The following RASGRF1 variants were observed in gnomAD, a reference collection of about 807,000 sequenced individuals.
The protein encoded by RASGRF1 is Ras protein specific guanine nucleotide releasing factor 1, also known as ras-specific guanine nucleotide-releasing factor 1.
Under a neutral mutation model 138.7 loss-of-function variants are expected in RASGRF1, and 40 were observed. The ratio of observed to expected loss-of-function variants is 0.29; its 90% CI spans 0.22 to 0.38. The LOEUF is 0.38. Ranked by LOEUF, RASGRF1 falls within the 10% of genes least tolerant of loss-of-function variation. The probability of loss-of-function intolerance (pLI) is 1.00; values close to 1 mark genes in which losing one functional copy is unlikely to be tolerated. For synonymous variants in RASGRF1, 614 were observed against 663.2 expected (o/e 0.93, Z 1.14); for missense variants, 1,108 against 1,650.4 (o/e 0.67, Z 5.69).
At chr15:79,051,126 C>T (rs2057425174) in intron 3 of RASGRF1, among the ~76,000 whole-genome samples, 1 of 152,210 alleles carries the variant, frequency 6.6e-6, no homozygotes, top group Non-Finnish European at 1.5e-5. Context: ...CGAACAAAGC[C>T]GCAAAGCCCA....
intron 26 of RASGRF1, among the ~76,000 whole-genome samples, chr15:78,964,500 C>G (rs1479953377): frequency 2.0e-5 from 3 of 152,038 alleles, no homozygotes; most frequent in Admixed American, 1.3e-4. Context: ...TATTGCACAT[C>G]AAAGTTTAAG....
Position 79,020,062 on chromosome 15 carries a change from G to A in RASGRF1, c.1585C>T (p.Pro529Ser). 2 of 1,614,094 alleles carry A rather than the reference G, an allele frequency of 1.2e-6. No individual in the cohort carries two copies. The highest frequency in any genetic ancestry group is 1.7e-6 in the Non-Finnish European group (2 of 1,180,038). The change falls in exon 11 of 27, where the codon CCA (proline) becomes TCA (serine). Residue 529 changes from proline (P) to serine (S), a missense_variant. Coordinates refer to ENST00000558480, the MANE Select transcript of RASGRF1 (RefSeq NM_001145648.3). Reference sequence around the variant, plus strand: ...TCACCTTCCTCCTCCGTGCTTTCTGGCTCCTCCAATAAAGTGCAGTCAATG... The same window carrying A: ...TCACCTTCCTCCTCCGTGCTTTCTGACTCCTCCAATAAAGTGCAGTCAATG... ...SLIDCTLLEE[P>S]ESTEEEAKGS...
chr15:79,084,934 AG>A (rs895504047), intron 1 of RASGRF1, among the ~76,000 whole-genome samples: 4 of 152,030 alleles, frequency 2.6e-5, no homozygotes, highest in African/African-American at 9.7e-5. Context: ...CTCTTGGTGA[AG>A]TTTTTTTTAA....
chr15:78,968,250 A>ATGTGTGGGTGTGTG (rs1555449271), intron 26 of RASGRF1, among the ~76,000 whole-genome samples: 23 of 134,330 alleles, frequency 1.7e-4, no homozygotes, highest in South Asian at 1.5e-3. Flanking sequence ...CATGACACTG[A>ATGTGTGGGTGTGTG]TGTGTGTGTG....
At chr15:78,999,998 G>A in intron 16 of RASGRF1, 85 bp from the exon 17 acceptor site, 2 of 1,445,102 alleles carry the variant, frequency 1.4e-6, no homozygotes, top group Non-Finnish European at 1.9e-6. Flanking sequence ...CGAGGCTAGA[G>A]CAGCCTTAAG....
intron 25 of RASGRF1, among the ~76,000 whole-genome samples, chr15:78,972,416 T>C (rs2055781479): frequency 6.6e-6 from 1 of 151,860 alleles, no homozygotes; most frequent in African/African-American, 2.4e-5. Flanking sequence ...TTCTTTTTTT[T>C]TTTTTAAACA....
chr15:78,998,945 C>A, intron 17 of RASGRF1, 120 bp from the exon 18 acceptor site: 1 of 718,658 alleles, frequency 1.4e-6, no homozygotes, highest in Non-Finnish European at 2.5e-6. Flanking sequence ...GGGTCATGGG[C>A]AGGGGGATAA....
rs148885729 is a variant in RASGRF1 at position 79,041,483 on chromosome 15, G to A, written c.878+5263C>T. Among the ~76,000 whole-genome samples the A allele has an allele frequency of 5.0e-4, 76 of 152,322 alleles. 1 individual carries two copies. The highest frequency in any genetic ancestry group is 1.7e-3 in the African/African-American group (72 of 41,570). On this transcript the variant is annotated intron_variant, in intron 5 of 26. Transcript: ENST00000558480. ...GCATGCAACAAAGAGAAGCATAGGG[G>A]CTCTGGGACAGCACGACAAGGGGAC...
intron 25 of RASGRF1, among the ~76,000 whole-genome samples, chr15:78,972,190 G>A (rs1369799113): frequency 6.6e-6 from 1 of 152,000 alleles, no homozygotes; most frequent in African/African-American, 2.4e-5. Flanking sequence ...CTGTCTCCTG[G>A]GTTCAAGTGA....
intron 21 of RASGRF1, among the ~76,000 whole-genome samples, chr15:78,990,953 C>T (rs529680724): frequency 3.9e-5 from 6 of 152,304 alleles, no homozygotes; most frequent in South Asian, 2.1e-4. Context: ...GGGAGGGCTG[C>T]GAGAGTGCCA....
At chr15:79,089,430 G>C (rs1355488682) in intron 1 of RASGRF1, among the ~76,000 whole-genome samples, 1 of 152,204 alleles carries the variant, frequency 6.6e-6, no homozygotes, top group East Asian at 1.9e-4. Flanking sequence ...AGCCAGGCCT[G>C]GCTCTTCAGC....
At position 79,050,268 on chromosome 15, in the gene RASGRF1, G is replaced by A. The variant is rs756055703; in HGVS notation, c.532-680C>T. Among the ~76,000 whole-genome samples, 5 of 152,138 alleles carry A rather than the reference G, an allele frequency of 3.3e-5. No homozygotes were observed. The highest frequency in any genetic ancestry group is 9.7e-5 in the African/African-American group (4 of 41,418). On this transcript the variant is annotated intron_variant, in intron 3 of 26. Transcript: ENST00000558480. The surrounding 1 kb of genome is among the most constrained non-coding windows in gnomAD (Gnocchi z 4.1). ...ATGCACTATTTGTCTTTCTGTGACC[G>A]GCTTATTTCATGGTGCATAATGTCC...
chr15:79,055,884 C>A (rs1383657212), intron 3 of RASGRF1, among the ~76,000 whole-genome samples: 1 of 152,170 alleles, frequency 6.6e-6, no homozygotes, highest in Admixed American at 6.5e-5. Context: ...ACTCATCAAG[C>A]CCTTGCTGAG....
At chr15:78,970,890 A>G (rs1215195368) in intron 26 of RASGRF1, among the ~76,000 whole-genome samples, 1 of 151,510 alleles carries the variant, frequency 6.6e-6, no homozygotes, top group Non-Finnish European at 1.5e-5. Context: ...TAAAAATGCA[A>G]ACTAGTCCAA....
At position 79,015,341 on chromosome 15, in the gene RASGRF1, C is replaced by G. The variant is rs147986227; in HGVS notation, c.1812G>C (p.Val604=). Residue 604 remains valine (V), a synonymous_variant, in exon 13 of 27, where the codon GTG becomes GTC. Transcript: ENST00000558480. ...NAFEENSKVT[V]PQMIKSDASL... is the part of the protein sequence containing the mutation. Reference sequence around the variant, plus strand: ...AGGGCACTTACTTGATCATCTGCGGCACAGTGACCTTGGAATTTTCTTCAA... The same window carrying G: ...AGGGCACTTACTTGATCATCTGCGGGACAGTGACCTTGGAATTTTCTTCAA... 2 of 1,613,496 alleles carry G rather than the reference C, an allele frequency of 1.2e-6. No homozygotes were observed. The highest frequency in any genetic ancestry group is 1.7e-6 in the Non-Finnish European group (2 of 1,179,398).
intron 20 of RASGRF1, among the ~76,000 whole-genome samples, chr15:78,992,977 G>A (rs2056301045): frequency 6.7e-6 from 1 of 149,562 alleles, no homozygotes; most frequent in South Asian, 2.1e-4. Context: ...TGAATGGAGC[G>A]AGGACCGTGG....
intron 1 of RASGRF1, among the ~76,000 whole-genome samples, chr15:79,069,415 C>T (rs1049477783): frequency 6.6e-6 from 1 of 152,196 alleles, no homozygotes; most frequent in Admixed American, 6.5e-5. Context: ...ACCCCGTTTG[C>T]TGTCTTTGGT....
intron 2 of RASGRF1, among the ~76,000 whole-genome samples, chr15:79,063,295 C>A (rs1486324572): frequency 6.6e-6 from 1 of 152,100 alleles, no homozygotes; most frequent in East Asian, 1.9e-4. Context: ...GAATGGATAC[C>A]CCTTGAGGAA....
At chr15:79,022,927 C>G (rs1420150036) in intron 10 of RASGRF1, among the ~76,000 whole-genome samples, 1 of 152,186 alleles carries the variant, frequency 6.6e-6, no homozygotes, top group Admixed American at 6.5e-5. Flanking sequence ...GTAATCCCAG[C>G]ACTTTGGGAG....
Sources: gnomAD v4.1 joint callset for allele counts (sites outside exome capture counted in the v4.1 genomes callset) on GRCh38, gnomAD v4.1.1 for gene constraint, Gnocchi (gnomAD v3.1) non-coding constraint, MANE v1.5 for transcripts, NCBI Gene and HGNC (gene_info 2026-07-23, HGNC 2026-07-21) for gene names.